CAMTA1: variants seen among roughly 807,000 people sequenced by gnomAD.
CAMTA1 encodes calmodulin-binding transcription activator 1.
A neutral mutation model predicts 170.9 loss-of-function variants in CAMTA1; 27 were observed. The ratio of observed to expected loss-of-function variants is 0.16; its 90% confidence interval spans 0.12 to 0.22. The LOEUF (loss-of-function observed/expected upper bound fraction) is 0.22. Ranked by LOEUF, CAMTA1 falls within the 10% of genes least tolerant of loss-of-function variation. The probability of loss-of-function intolerance (pLI) is 1.00; values close to 1 mark genes in which losing one functional copy is unlikely to be tolerated. For missense variants in CAMTA1, 1,619 were observed against 2,217.2 expected (o/e 0.73, Z 5.42); for synonymous variants, 833 against 891.5 (o/e 0.93, Z 1.17).
At chr1:7,136,150 A>C (rs986386148) in intron 4 of CAMTA1, among the ~76,000 whole-genome samples, 1 of 152,122 alleles carries the variant, frequency 6.6e-6, no homozygotes, top group Admixed American at 6.5e-5. Flanking sequence ...AAACAATATC[A>C]TGTGGTCTCC....
At chr1:7,595,917 G>A (rs1290720981) in intron 6 of CAMTA1, among the ~76,000 whole-genome samples, 17 of 152,154 alleles carry the variant, frequency 1.1e-4, no homozygotes, top group Admixed American at 8.5e-4. Context: ...ACATCCCAAG[G>A]AACGTGCAGC....
intron 5 of CAMTA1, among the ~76,000 whole-genome samples, chr1:7,408,829 G>A (rs1470234703): frequency 6.6e-6 from 1 of 152,220 alleles, no homozygotes; most frequent in Non-Finnish European, 1.5e-5. Flanking sequence ...GAGGCCCCAA[G>A]TCTGGCACTC....
chr1:7,310,891 C>T (rs1023784260), intron 5 of CAMTA1, among the ~76,000 whole-genome samples: 11 of 151,532 alleles, frequency 7.3e-5, no homozygotes, highest in South Asian at 2.1e-4. Context: ...CTACCATGCC[C>T]GACTAATTTT....
chr1:7,735,504 G>T (rs1399407355), intron 12 of CAMTA1, among the ~76,000 whole-genome samples: 1 of 151,516 alleles, frequency 6.6e-6, no homozygotes, highest in South Asian at 2.1e-4. Flanking sequence ...CGCTATACCC[G>T]CCAGTGGAAA....
intron 11 of CAMTA1, among the ~76,000 whole-genome samples, chr1:7,713,351 A>G (rs2096585859): frequency 1.3e-5 from 2 of 152,326 alleles, no homozygotes; most frequent in South Asian, 2.1e-4. Context: ...GACTGTCTAT[A>G]TCAAAAAGGT....
chr1:7,662,793 T>C (rs2095972103), intron 8 of CAMTA1, among the ~76,000 whole-genome samples: 1 of 152,110 alleles, frequency 6.6e-6, no homozygotes, highest in East Asian at 1.9e-4. Context: ...CCCTCTTTGG[T>C]CCTGGGGCCT....
At chr1:7,055,157 T>C (rs115479547) in intron 3 of CAMTA1, among the ~76,000 whole-genome samples, 1 of 152,096 alleles carries the variant, frequency 6.6e-6, no homozygotes, top group African/African-American at 2.4e-5. Flanking sequence ...GGGATAACAA[T>C]TTGACATGAA....
At chr1:7,322,654 T>A (rs1342484462) in intron 5 of CAMTA1, among the ~76,000 whole-genome samples, 2 of 152,226 alleles carry the variant, frequency 1.3e-5, no homozygotes, top group Non-Finnish European at 2.9e-5. Context: ...TAATAATTTG[T>A]CCATTTCTCC....
At chr1:7,165,387 C>T (rs1277877773) in intron 4 of CAMTA1, among the ~76,000 whole-genome samples, 1 of 151,632 alleles carries the variant, frequency 6.6e-6, no homozygotes, top group African/African-American at 2.4e-5. Context: ...ATCTAATTTC[C>T]TTCCCTCTGG....
chr1:7,648,056 G>T (rs1253834051), intron 7 of CAMTA1, among the ~76,000 whole-genome samples: 1 of 152,146 alleles, frequency 6.6e-6, no homozygotes, highest in Admixed American at 6.5e-5. Flanking sequence ...CTGCACTCCA[G>T]CCTGGGTGAC....
chr1:7,390,297 G>A (rs544329904), intron 5 of CAMTA1, among the ~76,000 whole-genome samples: 2 of 152,330 alleles, frequency 1.3e-5, no homozygotes, highest in South Asian at 2.1e-4. Context: ...CCTTCTCTAA[G>A]CATCTGACAC....
chr1:6,994,513 G>T (rs1208990690), intron 3 of CAMTA1, among the ~76,000 whole-genome samples: 1 of 152,204 alleles, frequency 6.6e-6, no homozygotes, highest in East Asian at 1.9e-4. Context: ...CTGGCCTCTT[G>T]TTTTTGATAA....
intron 6 of CAMTA1, among the ~76,000 whole-genome samples, chr1:7,514,553 G>C (rs2094252863): frequency 6.6e-6 from 1 of 152,234 alleles, no homozygotes; most frequent in South Asian, 2.1e-4. Flanking sequence ...GGACATATGA[G>C]ATTTGTCCTA....
chr1:7,605,185 G>A (rs191311241), intron 6 of CAMTA1, among the ~76,000 whole-genome samples: 64 of 152,324 alleles, frequency 4.2e-4, no homozygotes, highest in African/African-American at 1.5e-3. Flanking sequence ...GCTGCATGAT[G>A]GGGGAACCAC....
At chr1:7,632,517 G>C (rs2095678051) in intron 6 of CAMTA1, among the ~76,000 whole-genome samples, 1 of 152,250 alleles carries the variant, frequency 6.6e-6, no homozygotes, top group Admixed American at 6.5e-5. Flanking sequence ...CTGCAAACAA[G>C]AGTCAAACAG....
At chr1:7,510,339 C>A (rs1331293016) in intron 6 of CAMTA1, among the ~76,000 whole-genome samples, 1 of 144,978 alleles carries the variant, frequency 6.9e-6, no homozygotes, top group African/African-American at 2.5e-5. Flanking sequence ...TTTTGTTCAG[C>A]GATTCCCAGG....
intron 4 of CAMTA1, among the ~76,000 whole-genome samples, chr1:7,148,633 C>A (rs898954025): frequency 2.0e-5 from 3 of 152,188 alleles, no homozygotes; most frequent in African/African-American, 7.2e-5. Flanking sequence ...ATGTGGCCAG[C>A]CGGCCCATTC....
chr1:7,027,940 T>C (rs886462976), intron 3 of CAMTA1, among the ~76,000 whole-genome samples: 5 of 151,828 alleles, frequency 3.3e-5, no homozygotes, highest in African/African-American at 1.2e-4. Flanking sequence ...AGCTTCACTC[T>C]GTTGCCCAGG....
At chr1:7,709,754 T>C (rs1360524736) in intron 11 of CAMTA1, among the ~76,000 whole-genome samples, 1 of 152,230 alleles carries the variant, frequency 6.6e-6, no homozygotes, top group Admixed American at 6.5e-5. Flanking sequence ...GTGAGAAACC[T>C]TATGTAAATT....
Sources: allele counts gnomAD v4.1 joint callset (sites outside exome capture counted in the v4.1 genomes callset), GRCh38; gene constraint gnomAD v4.1.1; transcripts MANE v1.5; gene names NCBI Gene and HGNC (gene_info 2026-07-23, HGNC 2026-07-21).